The following FMN1 variants were observed in gnomAD, a reference collection of about 807,000 sequenced individuals.
FMN1 encodes the protein formin-1.
Under a neutral mutation model 132.4 loss-of-function variants are expected in FMN1, and 110 were observed. That is an observed-to-expected ratio of 0.83 (90% CI 0.71 to 0.97). The LOEUF is 0.97. FMN1 is among the 50% of genes least tolerant of loss of function. The pLI, the probability that FMN1 is intolerant of heterozygous loss-of-function variation, is 0.00. For missense variants in FMN1, 1,792 were observed against 1,705.3 expected, an observed-to-expected ratio of 1.05 and a Z score of -0.90; for synonymous variants, 722 against 651.7, an observed-to-expected ratio of 1.11 and a Z score of -1.64.
intron 6 of FMN1, among the ~76,000 whole-genome samples, chr15:33,035,876 G>A (rs2036167896): frequency 6.6e-6 from 1 of 152,186 alleles, no homozygotes; most frequent in African/African-American, 2.4e-5. Flanking sequence ...CTCATGAATA[G>A]ATTAATTTAT....
intron 7 of FMN1, among the ~76,000 whole-genome samples, chr15:32,989,171 A>C (rs939033862): frequency 6.6e-6 from 1 of 152,144 alleles, no homozygotes; most frequent in Non-Finnish European, 1.5e-5. Context: ...CCAGTGATTA[A>C]TTTATAGACT....
At chr15:33,172,650 G>A (rs565031042) in intron 3 of FMN1, among the ~76,000 whole-genome samples, 81 of 152,262 alleles carry the variant, frequency 5.3e-4, no homozygotes, top group Non-Finnish European at 9.9e-4. Flanking sequence ...TCATAAGGTT[G>A]TTACCTTCAC....
In FMN1 at chr15:33,170,555, T is replaced by TA. The variant is rs199549365; in HGVS notation, c.-132+9642dup. ...ACAGGGAACTCAAACAACTCAACAA[T>TA]AAAAAAAAAAAAAACCCGTTGAAAA... On this transcript the variant is annotated intron_variant, in intron 3 of 20. Coordinates refer to ENST00000616417, the MANE Select transcript of FMN1 (RefSeq NM_001277313.2). 3.9e-3 allele frequency among the ~76,000 whole-genome samples: 499 copies of TA among 129,104 alleles called. 4 individuals are homozygous for TA. The highest frequency in any genetic ancestry group is 7.7e-3 in the East Asian group (32 of 4,152). 84.7% of individuals were successfully genotyped at this position (129,104 alleles called of 152,430 possible).
chr15:32,985,592 T>C (rs1294225952), intron 7 of FMN1, among the ~76,000 whole-genome samples: 2 of 152,112 alleles, frequency 1.3e-5, no homozygotes, highest in African/African-American at 2.4e-5. Flanking sequence ...GCCTGTTACA[T>C]ACATGATAAA....
intron 4 of FMN1, among the ~76,000 whole-genome samples, chr15:33,110,818 G>A (rs892584627): frequency 3.3e-5 from 5 of 151,872 alleles, no homozygotes; most frequent in African/African-American, 4.8e-5. Context: ...AGAACAACTT[G>A]TCAGTATTTT....
chr15:32,958,095 T>C (rs2030034509), intron 9 of FMN1, among the ~76,000 whole-genome samples: 1 of 152,196 alleles, frequency 6.6e-6, no homozygotes, highest in Admixed American at 6.5e-5. Context: ...AATCTATATA[T>C]GCCTTTTGCT....
chr15:32,896,445 CT>C (rs2060158519), intron 15 of FMN1, among the ~76,000 whole-genome samples: 1 of 152,220 alleles, frequency 6.6e-6, no homozygotes, highest in East Asian at 1.9e-4. Context: ...AAAAAACCCC[CT>C]ATAACATGAT....
chr15:33,082,382 C>T (rs753568136), intron 5 of FMN1, among the ~76,000 whole-genome samples: 4 of 152,094 alleles, frequency 2.6e-5, no homozygotes, highest in Non-Finnish European at 4.4e-5. Context: ...GAGAGTACTG[C>T]CACCAGGATA....
intron 9 of FMN1, among the ~76,000 whole-genome samples, chr15:32,937,816 G>GT (rs1290685150): frequency 1.3e-5 from 2 of 152,164 alleles, no homozygotes; most frequent in Non-Finnish European, 2.9e-5. Flanking sequence ...TGAAGGAAGA[G>GT]TAACGAGAAA....
intron 5 of FMN1, among the ~76,000 whole-genome samples, chr15:33,071,265 G>T (rs2037988447): frequency 6.6e-6 from 1 of 152,160 alleles, no homozygotes; most frequent in Admixed American, 6.5e-5. Context: ...TGGAGAGAGA[G>T]GAAAGAAAAA....
In FMN1 at chr15:33,061,960, A is replaced by G. The variant is rs371108499; in HGVS notation, c.2161+2997T>C. On this transcript the variant is annotated intron_variant, in intron 6 of 20. Coordinates refer to ENST00000616417, the MANE Select transcript of FMN1 (RefSeq NM_001277313.2). ...AAACATTGGTAAACTTAGATCAGAG[A>G]AAGTCTTTTAAGCTAAAAGAATTAT... Among the ~76,000 whole-genome samples, 49 of 152,284 alleles carry G rather than the reference A, an allele frequency of 3.2e-4. 2 individuals carry two copies. The East Asian group carries it at 6.0e-3, about 19-fold the overall frequency.
At chr15:33,091,391 G>A (rs1286957321) in intron 4 of FMN1, among the ~76,000 whole-genome samples, 1 of 152,096 alleles carries the variant, frequency 6.6e-6, no homozygotes, top group Non-Finnish European at 1.5e-5. Flanking sequence ...TCTACGCAGA[G>A]CAAAAACAAT....
chr15:33,109,264 A>C (rs1030174719), intron 4 of FMN1, among the ~76,000 whole-genome samples: 2 of 152,118 alleles, frequency 1.3e-5, no homozygotes, highest in Non-Finnish European at 2.9e-5. Context: ...ATAGAAATCC[A>C]CTATAGTTTC....
intron 7 of FMN1, among the ~76,000 whole-genome samples, chr15:32,999,291 G>A (rs1476777855): frequency 6.6e-6 from 1 of 152,172 alleles, no homozygotes; most frequent in Non-Finnish European, 1.5e-5. Context: ...ACAAAAAAAT[G>A]GAACAGGCTT....
chr15:33,032,771 TA>T (rs1388921424), intron 6 of FMN1, among the ~76,000 whole-genome samples: 3 of 152,140 alleles, frequency 2.0e-5, no homozygotes, highest in Non-Finnish European at 4.4e-5. Flanking sequence ...GCCACACAAT[TA>T]AGACAACCGA....
intron 4 of FMN1, among the ~76,000 whole-genome samples, chr15:33,109,823 A>C (rs1233224731): frequency 1.4e-5 from 2 of 146,082 alleles, no homozygotes; most frequent in African/African-American, 5.0e-5. Context: ...ATGTATCCCC[A>C]AATCTAAAAT....
intron 8 of FMN1, among the ~76,000 whole-genome samples, chr15:32,967,692 G>A (rs1285591575): frequency 6.6e-6 from 1 of 152,168 alleles, no homozygotes; most frequent in Non-Finnish European, 1.5e-5. Context: ...GAGAGGAAAG[G>A]GGAAAATATG....
intron 19 of FMN1, among the ~76,000 whole-genome samples, chr15:32,789,251 A>G (rs1181307522): frequency 2.0e-5 from 3 of 152,218 alleles, no homozygotes; most frequent in Non-Finnish European, 2.9e-5. Flanking sequence ...TGAATAAAAA[A>G]CCAAATCATT....
chr15:33,109,344 G>A (rs1343761270), intron 4 of FMN1, among the ~76,000 whole-genome samples: 2 of 152,038 alleles, frequency 1.3e-5, no homozygotes, highest in African/African-American at 2.4e-5. Flanking sequence ...CAATGAGTAT[G>A]GGGAAATTTT....
Sources: gnomAD v4.1 joint callset for allele counts (sites outside exome capture counted in the v4.1 genomes callset) on GRCh38, gnomAD v4.1.1 for gene constraint, MANE v1.5 for transcripts, NCBI Gene and HGNC (gene_info 2026-07-23, HGNC 2026-07-21) for gene names.